PDS5B: variants seen among roughly 807,000 people sequenced by gnomAD.
The protein encoded by PDS5B is PDS5 cohesin associated factor B, also known as sister chromatid cohesion protein PDS5 homolog B.
PDS5B carries 51 observed loss-of-function variants against 184.1 expected under a neutral mutation model. That is an observed-to-expected ratio of 0.28 (90% CI 0.22 to 0.35). PDS5B has a LOEUF of 0.35. PDS5B is among the 10% of genes least tolerant of loss of function. The pLI is 1.00. For missense variants in PDS5B, 1,180 were observed against 1,723.3 expected (o/e 0.68, Z 5.58); for synonymous variants, 566 against 569.2 (o/e 0.99, Z 0.08).
At chr13:32,769,150 TAAAG>T (rs1057023014) in intron 31 of PDS5B, among the ~76,000 whole-genome samples, 5 of 151,004 alleles carry the variant, frequency 3.3e-5, no homozygotes, top group African/African-American at 4.9e-5. Flanking sequence ...ATATTAATAA[TAAAG>T]AAATAACACT....
chr13:32,650,756 C>G (rs1397936531), intron 2 of PDS5B: 2 of 152,182 alleles, frequency 1.3e-5, no homozygotes, highest in African/African-American at 4.8e-5. Flanking sequence ...AGAGGCTGCT[C>G]TGTGAGGAGC....
At chr13:32,629,592 TCTC>T (rs1248338379) in intron 1 of PDS5B, among the ~76,000 whole-genome samples, 8 of 152,354 alleles carry the variant, frequency 5.3e-5, no homozygotes, top group African/African-American at 1.9e-4. Context: ...AAGCTTCACT[TCTC>T]CTCAATAGCT....
intron 22 of PDS5B, among the ~76,000 whole-genome samples, chr13:32,741,910 T>A (rs1953572955): frequency 6.6e-6 from 1 of 152,152 alleles, no homozygotes; most frequent in Non-Finnish European, 1.5e-5. Context: ...GGTCTCAAGC[T>A]GCAGTTTTTG....
At chr13:32,762,513 T>A (rs947106743) in intron 30 of PDS5B, among the ~76,000 whole-genome samples, 2 of 152,168 alleles carry the variant, frequency 1.3e-5, no homozygotes, top group Non-Finnish European at 2.9e-5. Context: ...GTTATATCAG[T>A]TGGACATTTT....
intron 31 of PDS5B, among the ~76,000 whole-genome samples, chr13:32,765,102 A>G (rs1046367409): frequency 6.6e-5 from 10 of 151,940 alleles, no homozygotes; most frequent in Non-Finnish European, 1.2e-4. Context: ...GATAACTTGT[A>G]TGATAGACAG....
At chr13:32,628,191 G>C (rs562773957) in intron 1 of PDS5B, among the ~76,000 whole-genome samples, 1 of 152,216 alleles carries the variant, frequency 6.6e-6, no homozygotes, top group East Asian at 1.9e-4. Flanking sequence ...ATCTACAAGA[G>C]ATGTATCCTT....
chr13:32,715,997 C>T (rs1473029661), intron 19 of PDS5B, among the ~76,000 whole-genome samples: 10 of 152,228 alleles, frequency 6.6e-5, no homozygotes, highest in Non-Finnish European at 1.5e-4. Flanking sequence ...GTGGCGTGAT[C>T]TTGGCTCGCT....
At chr13:32,629,674 T>C (rs1321686783) in intron 1 of PDS5B, among the ~76,000 whole-genome samples, 1 of 152,218 alleles carries the variant, frequency 6.6e-6, no homozygotes, top group Admixed American at 6.5e-5. Flanking sequence ...ATTGGTTTTG[T>C]ACCTTGCTTA....
intron 22 of PDS5B, among the ~76,000 whole-genome samples, chr13:32,741,583 A>T (rs1953555428): frequency 6.6e-6 from 1 of 152,176 alleles, no homozygotes; most frequent in Non-Finnish European, 1.5e-5. Context: ...TATTAAAACC[A>T]TCTATGGCCT....
chr13:32,587,084 C>T (rs972526790), intron 1 of PDS5B, among the ~76,000 whole-genome samples: 1 of 147,892 alleles, frequency 6.8e-6, no homozygotes. Flanking sequence ...CGCGGTGCTC[C>T]TGTTGAATCC....
Position 32,773,089 on chromosome 13 carries a change from A to G in PDS5B, c.4173-100A>G. On this transcript the variant is annotated intron_variant, in intron 33 of 34. Transcript: ENST00000315596. ...TTGTCTCATAAAGTAACTGAGGGTA[A>G]AGATGATATGACGATGAAATACGTG... is the stretch of plus-strand genomic sequence containing the variant. 3.1e-6 allele frequency: 3 copies of G among 961,638 alleles called. No homozygotes were observed. The South Asian group carries it at 5.4e-5, about 17-fold the overall frequency. 59.6% of individuals were successfully genotyped at this position (961,638 alleles called of 1,614,324 possible).
chr13:32,604,418 A>T (rs2058028272), intron 1 of PDS5B, among the ~76,000 whole-genome samples: 1 of 152,196 alleles, frequency 6.6e-6, no homozygotes, highest in Admixed American at 6.5e-5. Context: ...CATCCCAGGG[A>T]TGAAGCCAAC....
chr13:32,685,359 C>T (rs957714754), intron 11 of PDS5B, among the ~76,000 whole-genome samples: 2 of 152,172 alleles, frequency 1.3e-5, no homozygotes, highest in African/African-American at 4.8e-5. Context: ...TTGCATTGTT[C>T]ATAGGATAGT....
intron 1 of PDS5B, among the ~76,000 whole-genome samples, chr13:32,594,281 T>C (rs993455078): frequency 6.6e-5 from 10 of 152,210 alleles, no homozygotes; most frequent in Non-Finnish European, 7.3e-5. Context: ...GGAGACTGTG[T>C]GGCAAAGTCC....
chr13:32,610,993 C>CTTT (rs368980002), intron 1 of PDS5B, among the ~76,000 whole-genome samples: 1 of 144,828 alleles, frequency 6.9e-6, no homozygotes, highest in African/African-American at 2.5e-5. Flanking sequence ...TTAGAGCCAT[C>CTTT]TTTTTTTTTT....
chr13:32,636,958 T>C (rs879663215), intron 1 of PDS5B, among the ~76,000 whole-genome samples: 30 of 152,142 alleles, frequency 2.0e-4, no homozygotes, highest in Middle Eastern at 3.2e-3. Flanking sequence ...AAAAGTTTAT[T>C]GAAGCAGAAG....
chr13:32,720,008 G>T (rs1301939806), intron 19 of PDS5B, among the ~76,000 whole-genome samples: 3 of 152,026 alleles, frequency 2.0e-5, no homozygotes, highest in Non-Finnish European at 4.4e-5. Context: ...ATGTGGGCGG[G>T]GCTGGTCTCT....
In PDS5B at chr13:32,653,153, C is replaced by T. The variant is rs557904228; in HGVS notation, c.312+1146C>T. On this transcript the variant is annotated intron_variant, in intron 3 of 34. Coordinates refer to ENST00000315596, the MANE Select transcript of PDS5B (RefSeq NM_015032.4). ...TACTCAAAATACAAAAATTAGCCGG[C>T]TGTGTTGGCACATGACTGTAACCCC... Among the ~76,000 whole-genome samples the T allele has an allele frequency of 3.3e-5, 5 of 152,078 alleles. No homozygotes were observed. The East Asian group carries it at 9.7e-4, about 29-fold the overall frequency.
At chr13:32,610,208 T>C (rs17077673) in intron 1 of PDS5B, among the ~76,000 whole-genome samples, 1,612 of 152,268 alleles carry the variant, frequency 0.011, 31 homozygotes, top group African/African-American at 0.036. Context: ...CAAATCAATG[T>C]AGGTACGTAT....
Sources: gnomAD v4.1 joint callset for allele counts (sites outside exome capture counted in the v4.1 genomes callset) on GRCh38, gnomAD v4.1.1 for gene constraint, MANE v1.5 for transcripts, NCBI Gene and HGNC (gene_info 2026-07-23, HGNC 2026-07-21) for gene names.